The following ADAMTS12 variants were observed in gnomAD, a reference collection of about 807,000 sequenced individuals.
ADAMTS12 encodes A disintegrin and metalloproteinase with thrombospondin motifs 12.
Under a neutral mutation model 167.8 loss-of-function variants are expected in ADAMTS12, and 118 were observed. The ratio of observed to expected loss-of-function variants is 0.70; its 90% CI spans 0.61 to 0.82. The LOEUF (loss-of-function observed/expected upper bound fraction) is 0.82. Among genes scored for constraint, ADAMTS12 ranks in the 40% least tolerant of loss-of-function variants. The pLI is 0.00. For synonymous variants in ADAMTS12, 704 were observed against 716.9 expected, an observed-to-expected ratio of 0.98 and a Z score of 0.29; for missense variants, 1,916 against 1,998.8, an observed-to-expected ratio of 0.96 and a Z score of 0.79.
chr5:33,799,321 G>A (rs1243975294), intron 2 of ADAMTS12, among the ~76,000 whole-genome samples: 2 of 152,076 alleles, frequency 1.3e-5, no homozygotes, highest in African/African-American at 4.8e-5. Flanking sequence ...TCTCCCACAG[G>A]ACCTAAATAT....
intron 2 of ADAMTS12, among the ~76,000 whole-genome samples, chr5:33,813,930 TG>T (rs1747553730): frequency 6.6e-6 from 1 of 152,152 alleles, no homozygotes; most frequent in Non-Finnish European, 1.5e-5. Flanking sequence ...AGTTTTGAGG[TG>T]GTTTGTTATG....
chr5:33,806,972 T>G (rs1220691914), intron 2 of ADAMTS12, among the ~76,000 whole-genome samples: 5 of 152,150 alleles, frequency 3.3e-5, no homozygotes, highest in African/African-American at 9.7e-5. Context: ...AGGTTAAAAC[T>G]GCAGACCTAC....
At chr5:33,655,734 C>A (rs1048677108) in intron 7 of ADAMTS12, among the ~76,000 whole-genome samples, 1 of 151,768 alleles carries the variant, frequency 6.6e-6, no homozygotes, top group African/African-American at 2.4e-5. Flanking sequence ...TGGTTTGCTG[C>A]ACCCATCAAC....
intron 14 of ADAMTS12, among the ~76,000 whole-genome samples, 157 bp from the exon 15 acceptor site, chr5:33,616,229 G>C (rs1002948878): frequency 1.3e-4 from 20 of 152,166 alleles, no homozygotes; most frequent in Non-Finnish European, 2.5e-4. Flanking sequence ...ACTTATGGGG[G>C]ATTTTCGAGA....
intron 5 of ADAMTS12, among the ~76,000 whole-genome samples, chr5:33,666,197 C>T (rs1741458476): frequency 6.6e-6 from 1 of 152,248 alleles, no homozygotes; most frequent in Admixed American, 6.5e-5. Context: ...AAGAACTGGA[C>T]ACCCTCCACC....
At chr5:33,555,353 G>A (rs972706227) in intron 20 of ADAMTS12, among the ~76,000 whole-genome samples, 3 of 152,018 alleles carry the variant, frequency 2.0e-5, no homozygotes, top group Non-Finnish European at 2.9e-5. Context: ...CAAGTGATCC[G>A]TCCACCTCAG....
In ADAMTS12 at chr5:33,884,657, G is replaced by A. The variant is rs560782082; in HGVS notation, c.128-3177C>T. 1.1e-4 allele frequency among the ~76,000 whole-genome samples: 16 copies of A among 152,178 alleles called. 1 individual carries two copies. Among genetic ancestry groups the A allele is most frequent in the Middle Eastern group, 6.8e-3 (2 of 294 alleles). ...CACTGGCCTTTAAGCCTCTCCTCAC[G>A]TGCATACTAGGAGAGTGAAGGAATC... On this transcript the variant is annotated intron_variant, in intron 1 of 23. Coordinates refer to ENST00000504830, the MANE Select transcript of ADAMTS12 (RefSeq NM_030955.4).
chr5:33,668,037 GAAGT>G (rs1241942540), intron 5 of ADAMTS12, among the ~76,000 whole-genome samples: 2 of 152,170 alleles, frequency 1.3e-5, no homozygotes, highest in African/African-American at 2.4e-5. Flanking sequence ...CAAGCAACAA[GAAGT>G]AAGTGACACA....
chr5:33,624,476 C>A (rs1739484544), intron 13 of ADAMTS12, 125 bp from the exon 14 acceptor site: 2 of 1,358,362 alleles, frequency 1.5e-6, no homozygotes, highest in Non-Finnish European at 2.0e-6. Context: ...GGTACAAGGA[C>A]AAATGTTTGT....
chr5:33,860,712 T>C (rs866206388), intron 2 of ADAMTS12, among the ~76,000 whole-genome samples: 2 of 152,240 alleles, frequency 1.3e-5, no homozygotes, highest in African/African-American at 4.8e-5. Context: ...CACATAATTA[T>C]CAGATTCACC....
intron 22 of ADAMTS12, among the ~76,000 whole-genome samples, chr5:33,538,909 G>A (rs1483062301): frequency 6.6e-6 from 1 of 152,084 alleles, no homozygotes; most frequent in Non-Finnish European, 1.5e-5. Flanking sequence ...AGACAAATCA[G>A]AATGATGGCA....
intron 2 of ADAMTS12, among the ~76,000 whole-genome samples, chr5:33,777,878 T>C (rs547410906): frequency 6.6e-6 from 1 of 152,024 alleles, no homozygotes; most frequent in South Asian, 2.1e-4. Flanking sequence ...TTTTATATAG[T>C]AACAAAGAGC....
chr5:33,546,005 TATTAA>T lies in ADAMTS12; in HGVS notation c.4446+49_4446+53del. The T allele has an allele frequency of 2.0e-6, 3 of 1,473,260 alleles. No individual in the cohort carries two copies. In the African/African-American group the frequency reaches 7.4e-5, roughly 36 times the overall value. 91.3% of individuals were successfully genotyped at this position (1,473,260 alleles called of 1,614,324 possible). On this transcript the variant is annotated intron_variant, in intron 22 of 23. Coordinates refer to ENST00000504830, the MANE Select transcript of ADAMTS12 (RefSeq NM_030955.4). ...TGCACAGGTACCCTAGAACTTAAAG[TATTAA>T]AAAAAAAAAAAAGCTAAAGTAAAAA... is the stretch of plus-strand genomic sequence containing the variant.
intron 13 of ADAMTS12, among the ~76,000 whole-genome samples, chr5:33,626,259 T>C (rs1435795964): frequency 1.4e-5 from 2 of 147,698 alleles, no homozygotes; most frequent in Non-Finnish European, 3.0e-5. Context: ...GGGGGCAGGA[T>C]GGTGGTAGTG....
At chr5:33,547,498 T>G (rs573393487) in intron 21 of ADAMTS12, among the ~76,000 whole-genome samples, 1 of 152,158 alleles carries the variant, frequency 6.6e-6, no homozygotes, top group Non-Finnish European at 1.5e-5. Context: ...CCAGATGGGT[T>G]CGTAACATTC....
At chr5:33,888,794 C>T (rs983340853) in intron 1 of ADAMTS12, among the ~76,000 whole-genome samples, 2 of 152,168 alleles carry the variant, frequency 1.3e-5, no homozygotes, top group South Asian at 2.1e-4. Context: ...TAATATTTCC[C>T]GTTGTTCTGA....
At chr5:33,783,046 TAA>T (rs1746198142) in intron 2 of ADAMTS12, among the ~76,000 whole-genome samples, 1 of 151,928 alleles carries the variant, frequency 6.6e-6, no homozygotes, top group Non-Finnish European at 1.5e-5. Context: ...TCAAGAAATG[TAA>T]AAGAGTTAAA....
chr5:33,620,143 G>A (rs1005541008), intron 14 of ADAMTS12, among the ~76,000 whole-genome samples: 6 of 152,218 alleles, frequency 3.9e-5, no homozygotes, highest in Admixed American at 6.5e-5. Flanking sequence ...TAGCTGTAGT[G>A]ATGGCTTTAC....
intron 2 of ADAMTS12, among the ~76,000 whole-genome samples, chr5:33,828,796 A>T (rs1748189665): frequency 6.6e-6 from 1 of 152,218 alleles, no homozygotes; most frequent in Non-Finnish European, 1.5e-5. Context: ...GTACTGTGGC[A>T]GAGGGTATGA....
Sources: allele counts gnomAD v4.1 joint callset (sites outside exome capture counted in the v4.1 genomes callset), GRCh38; gene constraint gnomAD v4.1.1; transcripts MANE v1.5; gene names NCBI Gene and HGNC (gene_info 2026-07-23, HGNC 2026-07-21).